The following TNNI3K variants were observed in gnomAD, a reference collection of about 807,000 sequenced individuals.
TNNI3K encodes the protein serine/threonine-protein kinase TNNI3K.
A neutral mutation model predicts 114.5 loss-of-function variants in TNNI3K; 140 were observed. That is an observed-to-expected ratio of 1.22 (90% CI 1.07 to 1.41). The LOEUF is 1.41. Among genes scored for constraint, TNNI3K ranks in the 40% most tolerant of loss-of-function variants. The probability of loss-of-function intolerance (pLI) is 0.00; values close to 1 mark genes in which losing one functional copy is unlikely to be tolerated. For missense variants in TNNI3K, 1,125 were observed against 1,007.6 expected (o/e 1.12, Z -1.58); for synonymous variants, 347 against 347.5 (o/e 1.00, Z 0.02).
intron 5 of TNNI3K, among the ~76,000 whole-genome samples, chr1:74,319,788 C>T (rs2100378840): frequency 6.6e-6 from 1 of 151,064 alleles, no homozygotes; most frequent in South Asian, 2.1e-4. Context: ...ATGCCCCCTA[C>T]TATTAGGTGC....
intron 23 of TNNI3K, among the ~76,000 whole-genome samples, chr1:74,524,255 A>G (rs137992000): frequency 1.1e-4 from 17 of 152,366 alleles, no homozygotes; most frequent in African/African-American, 4.1e-4. Flanking sequence ...GGGAATTTTA[A>G]CAGCCTGATC....
intron 20 of TNNI3K, among the ~76,000 whole-genome samples, chr1:74,446,956 G>A (rs1232502531): frequency 5.8e-5 from 5 of 86,876 alleles, no homozygotes; most frequent in Non-Finnish European, 1.2e-4. Flanking sequence ...TTGTAGTATA[G>A]TTTGAAGTCA....
intron 20 of TNNI3K, among the ~76,000 whole-genome samples, chr1:74,451,629 TTTC>T (rs879558523): frequency 6.9e-6 from 1 of 145,536 alleles, no homozygotes; most frequent in Non-Finnish European, 1.5e-5. Flanking sequence ...CTTCCTTCCT[TTTC>T]TTTTTCTTTC....
At chr1:74,512,162 G>T (rs1012844960) in intron 23 of TNNI3K, among the ~76,000 whole-genome samples, 1 of 152,144 alleles carries the variant, frequency 6.6e-6, no homozygotes, top group East Asian at 1.9e-4. Context: ...GGCATGACTC[G>T]AACCTGTGAG....
chr1:74,442,620 C>T (rs1557568513), intron 20 of TNNI3K, among the ~76,000 whole-genome samples: 1 of 152,070 alleles, frequency 6.6e-6, no homozygotes, highest in Non-Finnish European at 1.5e-5. Context: ...CTTAGGTCTT[C>T]TTAAATTTCA....
At chr1:74,465,622 CCCA>C (rs1387534342) in intron 21 of TNNI3K, among the ~76,000 whole-genome samples, 1 of 152,208 alleles carries the variant, frequency 6.6e-6, no homozygotes, top group Non-Finnish European at 1.5e-5. Context: ...CCACCGACCG[CCCA>C]AAGGCTGAGG....
chr1:74,320,921 G>C (rs1659577236), intron 5 of TNNI3K, among the ~76,000 whole-genome samples: 1 of 152,178 alleles, frequency 6.6e-6, no homozygotes, highest in Admixed American at 6.5e-5. Flanking sequence ...ACTGTTGTCA[G>C]ATGCTACTTT....
intron 17 of TNNI3K, among the ~76,000 whole-genome samples, chr1:74,389,286 G>T (rs538940052): frequency 6.6e-6 from 1 of 152,172 alleles, no homozygotes; most frequent in Non-Finnish European, 1.5e-5. Context: ...CCCAAGTAAG[G>T]GTGAGAAGAA....
intron 20 of TNNI3K, among the ~76,000 whole-genome samples, chr1:74,462,317 A>G (rs756718872): frequency 2.0e-5 from 3 of 152,226 alleles, no homozygotes; most frequent in Non-Finnish European, 2.9e-5. Context: ...TGTGGCTTAT[A>G]TCTCAAAAGT....
At chr1:74,287,704 C>CAAAAAA (rs1433719747) in intron 5 of TNNI3K, among the ~76,000 whole-genome samples, 2 of 152,042 alleles carry the variant, frequency 1.3e-5, no homozygotes, top group East Asian at 3.9e-4. Flanking sequence ...CTCAAAAACA[C>CAAAAAA]AAGAAACAAA....
At chr1:74,503,711 G>C (rs1669750625) in intron 23 of TNNI3K, among the ~76,000 whole-genome samples, 1 of 152,182 alleles carries the variant, frequency 6.6e-6, no homozygotes, top group Non-Finnish European at 1.5e-5. Context: ...AGAGAAGCTA[G>C]AATCTAAGCA....
At chr1:74,353,859 A>T (rs1661517633) in intron 10 of TNNI3K, 121 bp from the exon 11 acceptor site, 1 of 1,362,814 alleles carries the variant, frequency 7.3e-7, no homozygotes, top group African/African-American at 1.5e-5. Context: ...TATCAAAGAA[A>T]TCAATCCTTA....
intron 22 of TNNI3K, among the ~76,000 whole-genome samples, chr1:74,490,659 G>A (rs947595861): frequency 6.6e-6 from 1 of 152,160 alleles, no homozygotes; most frequent in African/African-American, 2.4e-5. Flanking sequence ...CTTGACTTGC[G>A]CAGTTTCATA....
intron 9 of TNNI3K, chr1:74,345,955 A>G (rs756118072): frequency 2.6e-5 from 4 of 152,188 alleles, no homozygotes; most frequent in Non-Finnish European, 5.9e-5. Flanking sequence ...GTCTATAAAA[A>G]TCTTATTTCC....
At chr1:74,438,762 A>G (rs1018000739) in intron 19 of TNNI3K, among the ~76,000 whole-genome samples, 18 of 152,166 alleles carry the variant, frequency 1.2e-4, no homozygotes, top group African/African-American at 4.1e-4. Flanking sequence ...ACAAATGAAA[A>G]GAATGTAAAT....
intron 23 of TNNI3K, among the ~76,000 whole-genome samples, chr1:74,532,012 T>C (rs973951329): frequency 1.3e-5 from 2 of 152,302 alleles, no homozygotes; most frequent in African/African-American, 4.8e-5. Context: ...TGGACCAATT[T>C]GAATGGAAGA....
At chr1:74,387,707 G>A (rs546824902) in intron 17 of TNNI3K, among the ~76,000 whole-genome samples, 29 of 152,238 alleles carry the variant, frequency 1.9e-4, no homozygotes, top group African/African-American at 5.8e-4. Flanking sequence ...TGAAGTCGGC[G>A]GTATCGAGGC....
At chr1:74,484,054 G>A (rs931129987) in intron 21 of TNNI3K, among the ~76,000 whole-genome samples, 1 of 151,838 alleles carries the variant, frequency 6.6e-6, no homozygotes, top group African/African-American at 2.4e-5. Context: ...CTACAGTACA[G>A]AGTATTATAA....
In TNNI3K at chr1:74,475,116, C is replaced by CCACACACACACACA. The variant is rs3058791; in HGVS notation, c.2121+11595_2121+11608dup. On this transcript the variant is annotated intron_variant, in intron 21 of 24. Transcript: ENST00000326637. Reference sequence around the variant, plus strand: ...AAGAACACTTCATCTCCACCTCAGCCCACACACACACACACACACACACAC... The same window carrying CCACACACACACACA: ...AAGAACACTTCATCTCCACCTCAGCCCACACACACACACACACACACACACACACACACACACAC... 6.4e-4 allele frequency among the ~76,000 whole-genome samples: 87 copies of CCACACACACACACA among 135,990 alleles called. 1 individual carries two copies. Among genetic ancestry groups the CCACACACACACACA allele is most frequent in the East Asian group, 5.5e-3 (24 of 4,398 alleles). The allele number at this position is 135,990 out of a possible 152,430, so 89.2% of individuals were successfully genotyped here.
Sources: gnomAD v4.1 joint callset for allele counts (sites outside exome capture counted in the v4.1 genomes callset) on GRCh38, gnomAD v4.1.1 for gene constraint, MANE v1.5 for transcripts, NCBI Gene and HGNC (gene_info 2026-07-23, HGNC 2026-07-21) for gene names.